VIT: variants seen among roughly 807,000 people sequenced by gnomAD.
The protein encoded by VIT is vitrin.
A neutral mutation model predicts 78.0 loss-of-function variants in VIT; 99 were observed. The ratio of observed to expected loss-of-function variants is 1.27; its 90% confidence interval spans 1.08 to 1.50. The LOEUF (loss-of-function observed/expected upper bound fraction) is 1.50. Ranked by LOEUF, VIT falls within the 40% of genes most tolerant of loss-of-function variation. The pLI is 0.00. For synonymous variants in VIT, 374 were observed against 334.3 expected (o/e 1.12, Z -1.29); for missense variants, 1,126 against 875.3 (o/e 1.29, Z -3.61).
chr2:36,767,805 G>C (rs1176727620), intron 7 of VIT, among the ~76,000 whole-genome samples: 1 of 152,146 alleles, frequency 6.6e-6, no homozygotes. Flanking sequence ...ACATCAAATA[G>C]GGCCTAAGGA....
intron 9 of VIT, among the ~76,000 whole-genome samples, chr2:36,776,887 A>G (rs1367395091): frequency 6.6e-6 from 1 of 151,666 alleles, no homozygotes; most frequent in African/African-American, 2.4e-5. Flanking sequence ...CAGGAGATCG[A>G]GACCATCCCG....
Position 36,787,193 on chromosome 2 carries a change from A to T in VIT, c.975A>T (p.Arg325=). 6.2e-7 allele frequency: 1 copy of T among 1,614,212 alleles called. No individual in the cohort carries two copies. The highest frequency in any genetic ancestry group is 8.5e-7 in the Non-Finnish European group (1 of 1,180,036). The change falls in exon 12 of 16, where the codon CGA becomes CGT. Residue 325 remains arginine (R), a synonymous_variant. Coordinates refer to ENST00000379242, the MANE Select transcript of VIT (RefSeq NM_053276.4). ...CCAGCATTGGCAAACGGCGATTCCG[A>T]ATCCAGAAGCAGCTCCTGGCTGATG... ...GSTSIGKRRF[R]IQKQLLADVA...
At chr2:36,765,743 G>A (rs901417154) in intron 6 of VIT, among the ~76,000 whole-genome samples, 1 of 152,246 alleles carries the variant, frequency 6.6e-6, no homozygotes, top group African/African-American at 2.4e-5. Flanking sequence ...AGCAGAAGAG[G>A]CAAGACACAG....
chr2:36,804,196 A>G (rs1380517860), intron 13 of VIT, among the ~76,000 whole-genome samples: 1 of 152,214 alleles, frequency 6.6e-6, no homozygotes, highest in Non-Finnish European at 1.5e-5. Flanking sequence ...TGTTATGGAA[A>G]GCTAGGCCCA....
chr2:36,737,033 G>A (rs74569714), intron 3 of VIT, among the ~76,000 whole-genome samples: 1 of 151,992 alleles, frequency 6.6e-6, no homozygotes, highest in East Asian at 1.9e-4. Flanking sequence ...TATGGACAAA[G>A]GAACAACAAC....
intron 4 of VIT, among the ~76,000 whole-genome samples, chr2:36,753,940 G>A (rs1308655467): frequency 6.6e-6 from 1 of 152,166 alleles, no homozygotes; most frequent in Non-Finnish European, 1.5e-5. Flanking sequence ...GAAAATCCCA[G>A]GTGAGTCCTG....
intron 8 of VIT, chr2:36,774,457 T>G: frequency 1.0e-6 from 1 of 974,552 alleles, no homozygotes; most frequent in Non-Finnish European, 1.2e-6. Context: ...CACAGCCCGG[T>G]CTATGAGCTG....
chr2:36,740,590 C>T (rs144005170), intron 3 of VIT, among the ~76,000 whole-genome samples: 7 of 152,242 alleles, frequency 4.6e-5, no homozygotes, highest in African/African-American at 1.7e-4. Flanking sequence ...AACACACGTG[C>T]CTGATTTCAT....
chr2:36,731,264 T>G (rs761867846), intron 3 of VIT, among the ~76,000 whole-genome samples: 3 of 152,048 alleles, frequency 2.0e-5, no homozygotes, highest in African/African-American at 7.2e-5. Flanking sequence ...GGAAATGTCT[T>G]CATTTTTATT....
At chr2:36,712,743 G>C (rs1665883584) in intron 1 of VIT, among the ~76,000 whole-genome samples, 1 of 152,212 alleles carries the variant, frequency 6.6e-6, no homozygotes, top group Non-Finnish European at 1.5e-5. Flanking sequence ...GGCTGAGGCA[G>C]AGAATTGCTT....
At chr2:36,792,769 C>A (rs1326361444) in intron 12 of VIT, among the ~76,000 whole-genome samples, 1 of 152,176 alleles carries the variant, frequency 6.6e-6, no homozygotes. Flanking sequence ...CCCCAGTGAC[C>A]CCTGACCCCC....
intron 3 of VIT, among the ~76,000 whole-genome samples, chr2:36,729,835 T>C (rs1048861654): frequency 3.3e-5 from 5 of 152,198 alleles, no homozygotes; most frequent in African/African-American, 1.2e-4. Context: ...AGAAAACTTA[T>C]TTTGGCTAAT....
intron 7 of VIT, among the ~76,000 whole-genome samples, chr2:36,770,965 G>A (rs955802783): frequency 2.6e-5 from 4 of 152,196 alleles, no homozygotes; most frequent in Middle Eastern, 3.2e-3. Context: ...ACCAAGGACC[G>A]CTAAGCGGGA....
chr2:36,790,037 T>C (rs538705930), intron 12 of VIT, among the ~76,000 whole-genome samples: 1 of 152,274 alleles, frequency 6.6e-6, no homozygotes, highest in African/African-American at 2.4e-5. Flanking sequence ...GACTTATAAA[T>C]TTAGAACTTG....
At chr2:36,767,374 C>G (rs1669499734) in intron 7 of VIT, 89 bp downstream of exon 7, 4 of 1,318,096 alleles carry the variant, frequency 3.0e-6, no homozygotes, top group Non-Finnish European at 3.9e-6. Context: ...ATCTACTGGG[C>G]TGGGTGAATG....
At chr2:36,760,513 T>C (rs1458662276) in intron 6 of VIT, among the ~76,000 whole-genome samples, 4 of 152,138 alleles carry the variant, frequency 2.6e-5, no homozygotes, top group African/African-American at 9.7e-5. Flanking sequence ...TGGCAGTGGG[T>C]CTGGTGCCTC....
chr2:36,728,812 C>CAAAAAAA (rs768222712), intron 2 of VIT, among the ~76,000 whole-genome samples: 141 of 3,432 alleles, frequency 0.041, 44 homozygotes, highest in East Asian at 0.11. Context: ...GACTCCGTCT[C>CAAAAAAA]AAAAAAAAAA....
intron 3 of VIT, among the ~76,000 whole-genome samples, chr2:36,738,615 C>T (rs1209718934): frequency 6.6e-6 from 1 of 152,120 alleles, no homozygotes; most frequent in African/African-American, 2.4e-5. Flanking sequence ...TCCCTGCCCT[C>T]ATGAATTTTA....
intron 12 of VIT, among the ~76,000 whole-genome samples, chr2:36,794,502 A>G (rs961626559): frequency 6.6e-6 from 1 of 152,242 alleles, no homozygotes; most frequent in African/African-American, 2.4e-5. Flanking sequence ...AAGGACACAT[A>G]TACGCTGGTC....
Sources: allele counts gnomAD v4.1 joint callset (sites outside exome capture counted in the v4.1 genomes callset), GRCh38; gene constraint gnomAD v4.1.1; transcripts MANE v1.5; gene names NCBI Gene and HGNC (gene_info 2026-07-23, HGNC 2026-07-21).